The following DPP10 variants were observed in gnomAD, a reference collection of about 807,000 sequenced individuals.
DPP10 encodes the protein inactive dipeptidyl peptidase 10.
In DPP10, 33 loss-of-function variants were observed where a neutral mutation model predicts 120.9. The observed-to-expected ratio is 0.27, with a 90% CI of 0.21 to 0.37. The LOEUF (loss-of-function observed/expected upper bound fraction) is 0.37, where lower values mean the gene tolerates loss of function less well. DPP10 is among the 10% of genes least tolerant of loss of function. DPP10 has a pLI of 1.00. For synonymous variants in DPP10, 337 were observed against 326.1 expected, an observed-to-expected ratio of 1.03 and a Z score of -0.36; for missense variants, 816 against 942.8, an observed-to-expected ratio of 0.87 and a Z score of 1.76.
At chr2:115,448,581 C>G (rs1262091342) in intron 3 of DPP10, among the ~76,000 whole-genome samples, 1 of 151,908 alleles carries the variant, frequency 6.6e-6, no homozygotes, top group East Asian at 1.9e-4. Flanking sequence ...AAAAGTATTG[C>G]TTACTATTGC....
chr2:115,085,951 G>T (rs988445356), intron 1 of DPP10, among the ~76,000 whole-genome samples: 2 of 152,112 alleles, frequency 1.3e-5, no homozygotes, highest in Non-Finnish European at 2.9e-5. Context: ...TTCTCATCAG[G>T]TGGGTACCCT....
At chr2:115,496,823 T>C (rs2076419434) in intron 3 of DPP10, among the ~76,000 whole-genome samples, 1 of 152,260 alleles carries the variant, frequency 6.6e-6, no homozygotes, top group African/African-American at 2.4e-5. Flanking sequence ...GTGGGAGAAC[T>C]GGAGTTATTA....
chr2:115,152,392 C>G (rs944668249), intron 1 of DPP10, among the ~76,000 whole-genome samples: 1 of 152,196 alleles, frequency 6.6e-6, no homozygotes, highest in Non-Finnish European at 1.5e-5. Context: ...TTCCTTGTAG[C>G]AACTTTGTTT....
At chr2:115,712,904 T>TTTGCA (rs1264735017) in intron 7 of DPP10, among the ~76,000 whole-genome samples, 1 of 152,086 alleles carries the variant, frequency 6.6e-6, no homozygotes, top group Non-Finnish European at 1.5e-5. Flanking sequence ...CCATTTTTAC[T>TTTGCA]TTGCATGCTA....
chr2:115,274,189 T>C lies in DPP10; in HGVS notation c.61-35050T>C, dbSNP rs540507329. Among the ~76,000 whole-genome samples the C allele has an allele frequency of 3.0e-4, 46 of 152,174 alleles. 1 individual carries two copies. Among genetic ancestry groups the C allele is most frequent in the Non-Finnish European group, 4.4e-5 (3 of 68,032 alleles). On this transcript the variant is annotated intron_variant, in intron 1 of 25. Transcript: ENST00000410059. ...ATCATTCTTGTGATAAGAATGATAA[T>C]CTTATTATATAAATGATAGAACTAT...
At chr2:115,106,097 C>T (rs1398038794) in intron 1 of DPP10, among the ~76,000 whole-genome samples, 1 of 152,200 alleles carries the variant, frequency 6.6e-6, no homozygotes, top group Non-Finnish European at 1.5e-5. Flanking sequence ...ACTGTTTTGG[C>T]ATCATTGTGA....
At chr2:114,482,012 A>G (rs1681102077) in intron 1 of DPP10, among the ~76,000 whole-genome samples, 1 of 151,876 alleles carries the variant, frequency 6.6e-6, no homozygotes, top group Non-Finnish European at 1.5e-5. Context: ...AGAGAAAGAC[A>G]ACCTAGGGGA....
At chr2:114,989,478 A>G (rs953504677) in intron 1 of DPP10, among the ~76,000 whole-genome samples, 3 of 152,202 alleles carry the variant, frequency 2.0e-5, no homozygotes, top group African/African-American at 7.2e-5. Context: ...GTGGCAGCAT[A>G]TATGTCTGGA....
rs545840261 is a variant in DPP10, at chr2:114,533,689, C to T, written c.60+90851C>T. ...TTGAATCTTGAATGTTTGAAAATAT[C>T]TTTATTGAAATATCATATTAATTGC... On this transcript the variant is annotated intron_variant, in intron 1 of 25. Transcript: ENST00000410059. Among the ~76,000 whole-genome samples the T allele has an allele frequency of 5.3e-5, 8 of 152,202 alleles. No individual in the cohort carries two copies. The South Asian group carries it at 1.5e-3, about 28-fold the overall frequency.
chr2:114,668,894 T>A lies in DPP10; in HGVS notation c.60+226056T>A, dbSNP rs1698130654. Among the ~76,000 whole-genome samples the A allele has an allele frequency of 2.0e-5, 3 of 152,186 alleles. 1 individual carries two copies. The South Asian group carries it at 6.2e-4, about 31-fold the overall frequency. ...TCCTGTATTTTCATCATTTTTTACA[T>A]ACATGTAATGAATCAGTTATGTTCT... On this transcript the variant is annotated intron_variant, in intron 1 of 25. Coordinates refer to ENST00000410059, the MANE Select transcript of DPP10 (RefSeq NM_020868.6).
At chr2:115,699,553 G>C (rs185731532) in intron 7 of DPP10, among the ~76,000 whole-genome samples, 25 of 152,286 alleles carry the variant, frequency 1.6e-4, no homozygotes, top group Non-Finnish European at 3.4e-4. Context: ...AGTGAGTTGT[G>C]ATTTGAGATC....
At chr2:115,430,685 T>C (rs1458589767) in intron 3 of DPP10, among the ~76,000 whole-genome samples, 1 of 152,086 alleles carries the variant, frequency 6.6e-6, no homozygotes, top group African/African-American at 2.4e-5. Flanking sequence ...GGTTTTTGCT[T>C]TGTATTGAAT....
intron 8 of DPP10, among the ~76,000 whole-genome samples, chr2:115,736,116 T>G (rs1002113033): frequency 6.6e-6 from 1 of 152,148 alleles, no homozygotes; most frequent in African/African-American, 2.4e-5. Context: ...ATATTCCTGG[T>G]GGATACCCTC....
At chr2:115,197,873 T>C (rs2055400383) in intron 1 of DPP10, among the ~76,000 whole-genome samples, 1 of 152,220 alleles carries the variant, frequency 6.6e-6, no homozygotes, top group Non-Finnish European at 1.5e-5. Context: ...TTTCTCTGTA[T>C]TTTCAGAATC....
chr2:115,247,933 G>A (rs1407279725), intron 1 of DPP10, among the ~76,000 whole-genome samples: 2 of 152,058 alleles, frequency 1.3e-5, no homozygotes, highest in Non-Finnish European at 2.9e-5. Flanking sequence ...TTTAGTTTAG[G>A]TTTTCTGTCT....
chr2:114,453,108 T>A (rs991235640), intron 1 of DPP10, among the ~76,000 whole-genome samples: 1 of 152,118 alleles, frequency 6.6e-6, no homozygotes, highest in African/African-American at 2.4e-5. Context: ...GGAGATTGGA[T>A]GGTTTGAAGG....
At chr2:114,774,093 C>T (rs543882031) in intron 1 of DPP10, among the ~76,000 whole-genome samples, 1 of 152,022 alleles carries the variant, frequency 6.6e-6, no homozygotes, top group Middle Eastern at 3.4e-3. Flanking sequence ...TGGCTAAGAA[C>T]GATCACATAT....
intron 1 of DPP10, among the ~76,000 whole-genome samples, chr2:115,041,557 A>G (rs966698774): frequency 1.3e-5 from 2 of 152,158 alleles, no homozygotes; most frequent in Non-Finnish European, 2.9e-5. Context: ...TAAGCATTTC[A>G]GCTCTTATGC....
intron 3 of DPP10, among the ~76,000 whole-genome samples, chr2:115,376,869 A>G (rs983567372): frequency 2.0e-5 from 3 of 149,492 alleles, no homozygotes; most frequent in African/African-American, 7.4e-5. Flanking sequence ...TGTCCCTACA[A>G]AGGACATGAA....
Sources: gnomAD v4.1 joint callset for allele counts (sites outside exome capture counted in the v4.1 genomes callset) on GRCh38, gnomAD v4.1.1 for gene constraint, MANE v1.5 for transcripts, NCBI Gene and HGNC (gene_info 2026-07-23, HGNC 2026-07-21) for gene names.